Variants in TIAM2 observed in about 807,000 individuals in gnomAD.
TIAM2 encodes TIAM Rac1 associated GEF 2.
A neutral mutation model predicts 152.9 loss-of-function variants in TIAM2; 80 were observed. The ratio of observed to expected loss-of-function variants is 0.52; its 90% CI spans 0.44 to 0.63. TIAM2 has a LOEUF of 0.63. Ranked by LOEUF, TIAM2 falls within the 30% of genes least tolerant of loss-of-function variation. The pLI, the probability that TIAM2 is intolerant of heterozygous loss-of-function variation, is 0.00. For missense variants in TIAM2, 1,965 were observed against 2,120.1 expected, an observed-to-expected ratio of 0.93 and a Z score of 1.44; for synonymous variants, 804 against 838.0, an observed-to-expected ratio of 0.96 and a Z score of 0.70.
At position 155,254,530 on chromosome 6, in the gene TIAM2, C is replaced by G; in HGVS notation, c.4425C>G (p.Arg1475=). ...ELPLEKTCKD[R]LVPLKNRVPV... ...CACTGGAGAAAACGTGTAAGGATCGCCTGGTACCTCTTAAGAACCGAGTTC... is the reference window on the plus strand; with the variant it reads ...CACTGGAGAAAACGTGTAAGGATCGGCTGGTACCTCTTAAGAACCGAGTTC... Residue 1475 remains arginine, a synonymous_variant, in exon 26 of 27, where the codon CGC becomes CGG. Transcript: ENST00000682666. 2 of 1,614,006 alleles carry G rather than the reference C, an allele frequency of 1.2e-6. No homozygotes were observed. Among genetic ancestry groups the G allele is most frequent in the Middle Eastern group, 1.7e-4 (1 of 6,058 alleles).
At chr6:155,029,319 CTATATGTACTATGTGTTATATATAA>C (rs1335491769) in intron 1 of TIAM2, among the ~76,000 whole-genome samples, 7 of 110,236 alleles carry the variant, frequency 6.4e-5, no homozygotes, top group South Asian at 2.6e-4. Context: ...GTTATATATA[CTATATGTACTATGTGTTATATATAA>C]TATATATACG....
At chr6:155,141,413 A>G (rs1272205531) in intron 5 of TIAM2, among the ~76,000 whole-genome samples, 1 of 152,042 alleles carries the variant, frequency 6.6e-6, no homozygotes, top group East Asian at 1.9e-4. Context: ...ACACACACAC[A>G]CACACTCTTA....
intron 4 of TIAM2, among the ~76,000 whole-genome samples, chr6:155,134,697 T>G (rs1779519356): frequency 6.6e-6 from 1 of 152,066 alleles, no homozygotes; most frequent in African/African-American, 2.4e-5. Context: ...TTAGGAGTTT[T>G]TTGTTTTTTT....
At position 155,176,817 on chromosome 6, in the gene TIAM2, T is replaced by G. The variant is rs1239276101; in HGVS notation, c.2363T>G (p.Val788Gly). ...TTTTCTTTTGGCATCTACAAACAGG[T>G]CGATGAACTTCTGCATATATATGGT... ...GKEKRPSITQVDELLHIYGST... is the reference protein window; with the variant it reads ...GKEKRPSITQGDELLHIYGST... Residue 788 changes from valine (V) to glycine (G), a missense_variant and splice_region_variant, in exon 10 of 27, where the codon GTC becomes GGC. Val to Gly is a moderately radical substitution (Grantham distance 109, BLOSUM62 -3). Transcript: ENST00000682666. 1 of 1,606,370 alleles carries G rather than the reference T, an allele frequency of 6.2e-7. No individual in the cohort carries two copies. Among genetic ancestry groups the G allele is most frequent in the Non-Finnish European group, 8.5e-7 (1 of 1,177,958 alleles).
At position 155,129,668 on chromosome 6, in the gene TIAM2, T is replaced by A; in HGVS notation, c.445T>A (p.Ser149Thr). Reference sequence around the variant, plus strand: ...CTACGGGAGGAATGAGAGCATTGCCTCCACCCCACCGGGCGAAGACCGCAA... The same window carrying A: ...CTACGGGAGGAATGAGAGCATTGCCACCACCCCACCGGGCGAAGACCGCAA... The part of the protein sequence containing the change: ...NCYGRNESIA[S>T]TPPGEDRKSP... The change falls in exon 4 of 27, where the codon TCC (serine) becomes ACC (threonine). Residue 149 changes from serine to threonine, a missense_variant. Coordinates refer to ENST00000682666, the MANE Select transcript of TIAM2 (RefSeq NM_012454.4). The surrounding 1 kb of genome is among the most constrained non-coding windows in gnomAD (Gnocchi z 4.8). 1 of 1,613,998 alleles carries A rather than the reference T, an allele frequency of 6.2e-7. No individual in the cohort carries two copies. Among genetic ancestry groups the A allele is most frequent in the Non-Finnish European group, 8.5e-7 (1 of 1,180,026 alleles).
chr6:155,141,674 AG>A (rs1779710568), intron 5 of TIAM2, among the ~76,000 whole-genome samples: 1 of 152,172 alleles, frequency 6.6e-6, no homozygotes, highest in Non-Finnish European at 1.5e-5. Context: ...TGGGCTGAAG[AG>A]TTGGCAAGGT....
At chr6:155,036,344 G>C (rs1776920396) in intron 1 of TIAM2, among the ~76,000 whole-genome samples, 1 of 151,732 alleles carries the variant, frequency 6.6e-6, no homozygotes, top group Non-Finnish European at 1.5e-5. Flanking sequence ...ACCAGCCTGG[G>C]CAATATGGTA....
chr6:155,100,286 C>T (rs909821483), intron 2 of TIAM2, among the ~76,000 whole-genome samples: 1 of 152,196 alleles, frequency 6.6e-6, no homozygotes, highest in Non-Finnish European at 1.5e-5. Flanking sequence ...GAGGCAGGAG[C>T]AGGTGGCCAG....
chr6:155,092,424 C>T (rs1429312581), intron 2 of TIAM2, among the ~76,000 whole-genome samples: 1 of 151,976 alleles, frequency 6.6e-6, no homozygotes, highest in African/African-American at 2.4e-5. Flanking sequence ...CTTGATGCTT[C>T]ACTTTCTTCT....
rs1583175445 is a variant in TIAM2 at position 155,068,645 on chromosome 6, T to A, written c.-208-21644T>A. Among the ~76,000 whole-genome samples the A allele has an allele frequency of 2.0e-5, 3 of 149,212 alleles. No individual in the cohort carries two copies. The South Asian group carries it at 6.4e-4, about 32-fold the overall frequency. On this transcript the variant is annotated intron_variant, in intron 1 of 26. Coordinates refer to ENST00000682666, the MANE Select transcript of TIAM2 (RefSeq NM_012454.4). Reference sequence around the variant, plus strand: ...GCTAATTTTTGTATTTTTGTAGAGATCGGGTTTCACCATGTTGGCCAGGCT... The same window carrying A: ...GCTAATTTTTGTATTTTTGTAGAGAACGGGTTTCACCATGTTGGCCAGGCT...
At position 155,253,014 on chromosome 6, in the gene TIAM2, C is replaced by T. The variant is rs868699764; in HGVS notation, c.4186C>T (p.Pro1396Ser). Residue 1396 changes from proline to serine, a missense_variant, in exon 24 of 27, where the codon CCC becomes TCC. Coordinates refer to ENST00000682666, the MANE Select transcript of TIAM2 (RefSeq NM_012454.4). ...CCCATTTAAATTCCGCTGGTTGATC[C>T]CCATCTCCGCGCTTCAAGTCAGACT... is the stretch of plus-strand genomic sequence containing the variant. ...LDPFKFRWLI[P>S]ISALQVRLGN... is the part of the protein sequence containing the mutation. The T allele has an allele frequency of 3.7e-6, 6 of 1,614,014 alleles. No individual in the cohort carries two copies. The highest frequency in any genetic ancestry group is 1.6e-4 in the Middle Eastern group (1 of 6,084).
intron 15 of TIAM2, 46 bp from the exon 16 acceptor site, chr6:155,240,484 C>A: frequency 6.4e-7 from 1 of 1,557,730 alleles, no homozygotes; most frequent in Non-Finnish European, 8.7e-7. Context: ...CGGATACTAT[C>A]AGGGAGAGGC....
intron 19 of TIAM2, 77 bp from the exon 20 acceptor site, chr6:155,247,923 T>C (rs1583285254): frequency 1.3e-6 from 2 of 1,501,782 alleles, no homozygotes; most frequent in East Asian, 2.3e-5. Flanking sequence ...AGATGATCTA[T>C]AAATGTTAAA....
rs73577458 is a variant in TIAM2 at position 155,218,296 on chromosome 6, C to T, written c.3168+6989C>T. On this transcript the variant is annotated intron_variant, in intron 15 of 26. Transcript: ENST00000682666. The surrounding 1 kb of genome is among the most constrained non-coding windows in gnomAD (Gnocchi z 4.5). The stretch of plus-strand genomic sequence containing the variant: ...GGAGAGATGGCCTCCTCAAGGCAAA[C>T]GCTTTGTCCCTGAAAAATGGTTTGG... Among the ~76,000 whole-genome samples, 345 of 152,284 alleles carry T rather than the reference C, an allele frequency of 2.3e-3. 1 individual carries two copies. Among genetic ancestry groups the T allele is most frequent in the African/African-American group, 7.9e-3 (330 of 41,552 alleles).
At chr6:155,014,595 G>T (rs1778543466) in intron 1 of TIAM2, among the ~76,000 whole-genome samples, 1 of 152,148 alleles carries the variant, frequency 6.6e-6, no homozygotes, top group African/African-American at 2.4e-5. Context: ...TTTGACTCTG[G>T]TGGATGGTTT....
intron 5 of TIAM2, among the ~76,000 whole-genome samples, chr6:155,138,072 C>G (rs1028052826): frequency 1.3e-5 from 2 of 152,170 alleles, no homozygotes; most frequent in African/African-American, 4.8e-5. Context: ...AACTCCTGAC[C>G]TCAAGCAGGT....
intron 1 of TIAM2, among the ~76,000 whole-genome samples, chr6:155,083,646 AT>A (rs1778119004): frequency 6.6e-6 from 1 of 152,176 alleles, no homozygotes; most frequent in African/African-American, 2.4e-5. Context: ...ATGAGGAATT[AT>A]TATATTGCTG....
intron 7 of TIAM2, among the ~76,000 whole-genome samples, chr6:155,149,917 T>C (rs1350789265): frequency 7.0e-6 from 1 of 143,668 alleles, no homozygotes; most frequent in Non-Finnish European, 1.5e-5. Context: ...TGAGACTCTG[T>C]ATAAAAAAAA....
At chr6:155,252,056 C>G in intron 23 of TIAM2, 53 bp downstream of exon 23, 2 of 1,441,140 alleles carry the variant, frequency 1.4e-6, no homozygotes, top group Non-Finnish European at 1.9e-6. Context: ...CTGTATCTTC[C>G]TATTAACGTT....
Sources: gnomAD v4.1 joint callset for allele counts (sites outside exome capture counted in the v4.1 genomes callset) on GRCh38, gnomAD v4.1.1 for gene constraint, Gnocchi (gnomAD v3.1) non-coding constraint, MANE v1.5 for transcripts, NCBI Gene and HGNC (gene_info 2026-07-23, HGNC 2026-07-21) for gene names.